OPCML: variants seen among roughly 807,000 people sequenced by gnomAD.
The protein encoded by OPCML is opioid binding protein/cell adhesion molecule like.
In OPCML, 13 loss-of-function variants were observed where a neutral mutation model predicts 37.8. The observed-to-expected ratio is 0.34, with a 90% CI of 0.22 to 0.55. The LOEUF (loss-of-function observed/expected upper bound fraction) is 0.55, where lower values mean the gene tolerates loss of function less well. OPCML is among the 20% of genes least tolerant of loss of function. OPCML has a pLI of 0.91. For synonymous variants in OPCML, 176 were observed against 168.8 expected (o/e 1.04, Z -0.33); for missense variants, 341 against 435.6 (o/e 0.78, Z 1.93).
chr11:133,398,158 C>A (rs543097172), intron 1 of OPCML, among the ~76,000 whole-genome samples: 1 of 152,342 alleles, frequency 6.6e-6, no homozygotes, highest in South Asian at 2.1e-4. Flanking sequence ...ATAGACATCT[C>A]ATGAATTATA....
At chr11:132,539,001 G>A (rs796518504) in intron 3 of OPCML, among the ~76,000 whole-genome samples, 2 of 152,250 alleles carry the variant, frequency 1.3e-5, no homozygotes, top group African/African-American at 4.8e-5. Flanking sequence ...GTATGTCTGT[G>A]TTCCATGACA....
intron 1 of OPCML, among the ~76,000 whole-genome samples, chr11:132,996,127 CAGACTTT>C (rs1441917400): frequency 1.2e-4 from 18 of 152,298 alleles, no homozygotes; most frequent in Admixed American, 8.5e-4. Flanking sequence ...GAGTTCTACA[CAGACTTT>C]AGCATATTTT....
chr11:132,447,000 C>T (rs967831400), intron 4 of OPCML, among the ~76,000 whole-genome samples: 7 of 152,278 alleles, frequency 4.6e-5, no homozygotes, highest in African/African-American at 1.7e-4. Context: ...CCTAAGGGCG[C>T]TTTGGCAAAG....
intron 2 of OPCML, among the ~76,000 whole-genome samples, chr11:132,776,122 G>T (rs1012752490): frequency 6.6e-6 from 1 of 152,062 alleles, no homozygotes; most frequent in Non-Finnish European, 1.5e-5. Flanking sequence ...TAAAGACAGG[G>T]TTTCACATGT....
intron 2 of OPCML, among the ~76,000 whole-genome samples, chr11:132,665,690 T>A (rs1942188552): frequency 6.6e-6 from 1 of 152,136 alleles, no homozygotes; most frequent in Non-Finnish European, 1.5e-5. Flanking sequence ...AACAAAATAA[T>A]GAATGATTGA....
At chr11:133,201,156 G>A (rs1938767581) in intron 1 of OPCML, among the ~76,000 whole-genome samples, 1 of 152,092 alleles carries the variant, frequency 6.6e-6, no homozygotes, top group Admixed American at 6.5e-5. Context: ...GGAGGGTAAA[G>A]ACTGAAAAAC....
chr11:132,527,581 G>C (rs186204994), intron 4 of OPCML, among the ~76,000 whole-genome samples: 8 of 151,372 alleles, frequency 5.3e-5, no homozygotes, highest in African/African-American at 1.9e-4. Flanking sequence ...TGTTAGAATT[G>C]TGTTGGAAGA....
intron 3 of OPCML, among the ~76,000 whole-genome samples, chr11:132,627,015 G>C (rs1413443582): frequency 2.0e-5 from 3 of 151,784 alleles, no homozygotes; most frequent in Non-Finnish European, 4.4e-5. Flanking sequence ...TATAAATAGA[G>C]AATGAAGTAT....
At chr11:132,485,730 C>T (rs372230667) in intron 4 of OPCML, among the ~76,000 whole-genome samples, 9 of 152,162 alleles carry the variant, frequency 5.9e-5, no homozygotes, top group Admixed American at 2.0e-4. Flanking sequence ...TATAAAACTG[C>T]GTATTTTCTT....
rs533281110 is a variant in OPCML, at chr11:133,306,988, T to C, written c.61+225276A>G. Among the ~76,000 whole-genome samples, 4 of 152,250 alleles carry C rather than the reference T, an allele frequency of 2.6e-5. No homozygotes were observed. In the South Asian group the frequency reaches 6.2e-4, roughly 24 times the overall value. On this transcript the variant is annotated intron_variant, in intron 1 of 7. Coordinates refer to ENST00000524381, the MANE Select transcript of OPCML (RefSeq NM_001012393.5). ...AGATAACCCTGTACCACGAATGTAG[T>C]GGATAAGTTATGACATCTTTAAGAA...
chr11:132,631,572 GC>G (rs1940131216), intron 3 of OPCML, among the ~76,000 whole-genome samples: 1 of 150,846 alleles, frequency 6.6e-6, no homozygotes, highest in Non-Finnish European at 1.5e-5. Flanking sequence ...CCATTCGCCT[GC>G]CTCAGCCTCC....
At chr11:133,480,133 C>A (rs1053391227) in intron 1 of OPCML, among the ~76,000 whole-genome samples, 8 of 152,212 alleles carry the variant, frequency 5.3e-5, no homozygotes, top group Admixed American at 1.3e-4. Flanking sequence ...CACATCCACC[C>A]CTTCCCTTCC....
chr11:133,072,071 G>A (rs941250633), intron 1 of OPCML, among the ~76,000 whole-genome samples: 14 of 152,112 alleles, frequency 9.2e-5, no homozygotes, highest in African/African-American at 3.4e-4. Context: ...ACTCAGACTC[G>A]GGCCACATGA....
At chr11:132,460,289 A>G (rs554483047) in intron 4 of OPCML, among the ~76,000 whole-genome samples, 1 of 152,138 alleles carries the variant, frequency 6.6e-6, no homozygotes, top group South Asian at 2.1e-4. Flanking sequence ...ATGATGCTAC[A>G]TTGATTAGTG....
intron 2 of OPCML, among the ~76,000 whole-genome samples, chr11:132,722,615 T>C (rs1282756434): frequency 6.6e-6 from 1 of 152,146 alleles, no homozygotes; most frequent in Non-Finnish European, 1.5e-5. Flanking sequence ...CACTAGATTA[T>C]TGGAACATCA....
At chr11:133,040,098 C>T (rs1947862522) in intron 1 of OPCML, among the ~76,000 whole-genome samples, 1 of 151,842 alleles carries the variant, frequency 6.6e-6, no homozygotes, top group African/African-American at 2.4e-5. Flanking sequence ...AGCAACCAAG[C>T]AGAACACGTC....
At position 133,449,699 on chromosome 11, in the gene OPCML, GA is replaced by G. The variant is rs985251109; in HGVS notation, c.61+82564del. Among the ~76,000 whole-genome samples the G allele has an allele frequency of 5.3e-5, 8 of 151,472 alleles. 1 individual carries two copies. The highest frequency in any genetic ancestry group is 2.0e-4 in the African/African-American group (8 of 40,848). ...TCTCTGTGTCCTCCCCTCATCCTAT[GA>G]GAACACTTGTCATTGGAAATGGGGT... On this transcript the variant is annotated intron_variant, in intron 1 of 7. Transcript: ENST00000524381.
At chr11:132,581,978 C>T (rs761317975) in intron 3 of OPCML, among the ~76,000 whole-genome samples, 6 of 152,112 alleles carry the variant, frequency 3.9e-5, no homozygotes, top group Non-Finnish European at 5.9e-5. Context: ...CCAAGAACTG[C>T]AGCCCCCAGT....
intron 2 of OPCML, among the ~76,000 whole-genome samples, chr11:132,736,391 G>A (rs546405633): frequency 7.4e-4 from 112 of 152,282 alleles, no homozygotes; most frequent in African/African-American, 2.6e-3. Context: ...TTGGGAGGGG[G>A]TAAGTGCATT....
Sources: gnomAD v4.1 joint callset for allele counts (sites outside exome capture counted in the v4.1 genomes callset) on GRCh38, gnomAD v4.1.1 for gene constraint, MANE v1.5 for transcripts, NCBI Gene and HGNC (gene_info 2026-07-23, HGNC 2026-07-21) for gene names.